Variants in CSMD1 observed in about 807,000 individuals in gnomAD.
CSMD1 encodes the protein CUB and Sushi multiple domains 1, also known as CUB and sushi domain-containing protein 1.
In CSMD1, 213 loss-of-function variants were observed where a neutral mutation model predicts 417.5. That is an observed-to-expected ratio of 0.51 (90% CI 0.46 to 0.57). The LOEUF (loss-of-function observed/expected upper bound fraction) is 0.57, where lower values mean the gene tolerates loss of function less well. Ranked by LOEUF, CSMD1 falls within the 20% of genes least tolerant of loss-of-function variation. The pLI, the probability that CSMD1 is intolerant of heterozygous loss-of-function variation, is 0.00. For synonymous variants in CSMD1, 2,862 were observed against 1,736.8 expected (o/e 1.65, Z -16.11); for missense variants, 6,923 against 4,529.7 (o/e 1.53, Z -15.17).
chr8:2,941,346 AT>A, intron 69 of CSMD1, among the ~76,000 whole-genome samples: 1 of 152,360 alleles, frequency 6.6e-6, no homozygotes, highest in South Asian at 2.1e-4. Flanking sequence ...AAATAATATC[AT>A]GACAGTTTTT....
At position 4,904,369 on chromosome 8, in the gene CSMD1, G is replaced by A. The variant is rs146258002; in HGVS notation, c.85+89963C>T. Among the ~76,000 whole-genome samples the A allele has an allele frequency of 3.3e-5, 5 of 152,300 alleles. No individual in the cohort carries two copies. In the East Asian group the frequency reaches 7.7e-4, roughly 23 times the overall value. ...TGCCTACAGCATGCAAGAAGGTTGG[G>A]TTTTAAATTTCTCTTTCACAGTAGT... On this transcript the variant is annotated intron_variant, in intron 1 of 69. Coordinates refer to ENST00000635120, the MANE Select transcript of CSMD1 (RefSeq NM_033225.6).
chr8:3,681,080 T>C (rs1000854823), intron 7 of CSMD1, among the ~76,000 whole-genome samples: 3 of 152,150 alleles, frequency 2.0e-5, no homozygotes, highest in Non-Finnish European at 2.9e-5. Flanking sequence ...ACAGCCAATA[T>C]CATACTGAAT....
chr8:3,846,217 C>T (rs563816675), intron 5 of CSMD1, among the ~76,000 whole-genome samples: 1 of 152,218 alleles, frequency 6.6e-6, no homozygotes, highest in Admixed American at 6.5e-5. Flanking sequence ...ACGTTTGTTG[C>T]CACCAGCATC....
At chr8:4,007,469 C>A (rs1269281160) in intron 4 of CSMD1, among the ~76,000 whole-genome samples, 1 of 152,124 alleles carries the variant, frequency 6.6e-6, no homozygotes. Context: ...CTTCAGAGCC[C>A]CTCACAAGGC....
At chr8:3,759,930 G>C (rs888268150) in intron 5 of CSMD1, among the ~76,000 whole-genome samples, 1 of 148,444 alleles carries the variant, frequency 6.7e-6, no homozygotes, top group African/African-American at 2.5e-5. Context: ...AAAAAAATGA[G>C]GAACGGGGAA....
intron 23 of CSMD1, among the ~76,000 whole-genome samples, chr8:3,323,127 C>G (rs1477288022): frequency 6.6e-6 from 1 of 152,070 alleles, no homozygotes; most frequent in Non-Finnish European, 1.5e-5. Context: ...GTGTTTTTGT[C>G]TAACATTGTC....
At chr8:4,047,441 C>A (rs569385554) in intron 3 of CSMD1, among the ~76,000 whole-genome samples, 2 of 152,152 alleles carry the variant, frequency 1.3e-5, no homozygotes, top group East Asian at 3.9e-4. Flanking sequence ...GCATTTTTCC[C>A]AGGGAATTCT....
chr8:4,455,929 C>CTAAAAAAAAAA (rs1799442828), intron 2 of CSMD1, among the ~76,000 whole-genome samples: 1 of 11,646 alleles, frequency 8.6e-5, no homozygotes, highest in Non-Finnish European at 2.1e-4. Context: ...ACTCCAACTC[C>CTAAAAAAAAAA]AAAAAAAAAA....
intron 6 of CSMD1, among the ~76,000 whole-genome samples, chr8:3,713,802 T>A (rs1407158061): frequency 6.6e-6 from 1 of 152,222 alleles, no homozygotes; most frequent in East Asian, 1.9e-4. Context: ...AGAGACCAAC[T>A]ACTTGCAAAT....
At chr8:4,038,417 C>A (rs1585182743) in intron 3 of CSMD1, among the ~76,000 whole-genome samples, 2 of 152,234 alleles carry the variant, frequency 1.3e-5, no homozygotes, top group East Asian at 3.9e-4. Context: ...TGCAAAGATT[C>A]AAGACACACA....
At chr8:4,103,730 G>A (rs199674468) in intron 3 of CSMD1, among the ~76,000 whole-genome samples, 7 of 152,084 alleles carry the variant, frequency 4.6e-5, no homozygotes, top group East Asian at 3.9e-4. Context: ...CTTTATCCAA[G>A]ACTTGATAGT....
intron 2 of CSMD1, among the ~76,000 whole-genome samples, chr8:4,620,090 TCA>T (rs1801686145): frequency 6.6e-6 from 1 of 151,942 alleles, no homozygotes; most frequent in Admixed American, 6.6e-5. Flanking sequence ...GCTATAATAC[TCA>T]CATTAATTAA....
intron 3 of CSMD1, among the ~76,000 whole-genome samples, chr8:4,216,002 A>T (rs915594155): frequency 6.6e-6 from 1 of 152,188 alleles, no homozygotes; most frequent in Non-Finnish European, 1.5e-5. Context: ...TGCCCATTTC[A>T]GCCACAAATA....
chr8:3,687,787 G>T (rs1353235152), intron 7 of CSMD1, among the ~76,000 whole-genome samples: 1 of 152,130 alleles, frequency 6.6e-6, no homozygotes, highest in African/African-American at 2.4e-5. Flanking sequence ...AAAAACACTT[G>T]ATCTTTGCTC....
At chr8:4,812,886 G>T (rs1798990305) in intron 1 of CSMD1, among the ~76,000 whole-genome samples, 2 of 152,050 alleles carry the variant, frequency 1.3e-5, no homozygotes, top group Non-Finnish European at 2.9e-5. Flanking sequence ...ACACCCTTGA[G>T]AAACAGGTAA....
chr8:4,505,020 A>C (rs1249149925), intron 2 of CSMD1, among the ~76,000 whole-genome samples: 1 of 152,160 alleles, frequency 6.6e-6, no homozygotes, highest in Non-Finnish European at 1.5e-5. Context: ...GCTGTGTCAA[A>C]TGGTATTTCT....
At chr8:4,276,707 A>T (rs1037369368) in intron 3 of CSMD1, among the ~76,000 whole-genome samples, 3 of 152,196 alleles carry the variant, frequency 2.0e-5, no homozygotes, top group Non-Finnish European at 4.4e-5. Context: ...TTCCAGTGGG[A>T]TCCCAATTTT....
intron 5 of CSMD1, among the ~76,000 whole-genome samples, chr8:3,996,624 G>A (rs776110355): frequency 2.0e-4 from 30 of 152,192 alleles, no homozygotes; most frequent in Admixed American, 3.9e-4. Flanking sequence ...ATTCCTGAGT[G>A]TTTAAAGTTA....
intron 2 of CSMD1, among the ~76,000 whole-genome samples, chr8:4,533,676 T>A (rs1796952480): frequency 6.6e-6 from 1 of 152,090 alleles, no homozygotes; most frequent in Admixed American, 6.6e-5. Flanking sequence ...TGAAGATTTT[T>A]AAAAACATCA....
Sources: gnomAD v4.1 joint callset for allele counts (sites outside exome capture counted in the v4.1 genomes callset) on GRCh38, gnomAD v4.1.1 for gene constraint, MANE v1.5 for transcripts, NCBI Gene and HGNC (gene_info 2026-07-23, HGNC 2026-07-21) for gene names.